Variants in GALNT13 observed in about 807,000 individuals in gnomAD.
The protein encoded by GALNT13 is polypeptide N-acetylgalactosaminyltransferase 13.
A neutral mutation model predicts 64.2 loss-of-function variants in GALNT13; 28 were observed. The observed-to-expected ratio is 0.44, with a 90% CI of 0.32 to 0.60. GALNT13 has a LOEUF of 0.60. Ranked by LOEUF, GALNT13 falls within the 20% of genes least tolerant of loss-of-function variation. The pLI, the probability that GALNT13 is intolerant of heterozygous loss-of-function variation, is 0.05. For missense variants in GALNT13, 577 were observed against 669.8 expected (o/e 0.86, Z 1.53); for synonymous variants, 214 against 224.6 (o/e 0.95, Z 0.42).
At chr2:153,120,687 A>T in the GALNT13 span, among the ~76,000 whole-genome samples, 1 of 152,182 alleles carries the variant, frequency 6.6e-6, no homozygotes, top group Admixed American at 6.5e-5. Flanking sequence ...TATAAAGATA[A>T]ATTATTTGTT....
At chr2:154,444,033 A>G in intron 12 of GALNT13, among the ~76,000 whole-genome samples, 1 of 152,082 alleles carries the variant, frequency 6.6e-6, no homozygotes, top group East Asian at 1.9e-4. Context: ...TGGATGTCAC[A>G]TTGTCTTCAA....
intron 4 of GALNT13, among the ~76,000 whole-genome samples, chr2:154,186,126 A>G (rs569125969): frequency 7.2e-5 from 11 of 152,164 alleles, no homozygotes; most frequent in Non-Finnish European, 1.3e-4. Context: ...CTTAAATTGT[A>G]ATTTTTGTTT....
At chr2:153,595,787 A>G in the GALNT13 span, among the ~76,000 whole-genome samples, 1 of 152,268 alleles carries the variant, frequency 6.6e-6, no homozygotes, top group African/African-American at 2.4e-5. Context: ...CAGATGAACC[A>G]CTAGAATCAT....
Position 154,362,438 on chromosome 2 carries a change from CTTTCTCTT to C in GALNT13, c.1157-33545_1157-33538del, listed in dbSNP as rs1370061988. 2.0e-5 allele frequency among the ~76,000 whole-genome samples: 3 copies of C among 152,032 alleles called. No individual in the cohort carries two copies. The East Asian group carries it at 5.8e-4, about 29-fold the overall frequency. On this transcript the variant is annotated intron_variant, in intron 9 of 12. Coordinates refer to ENST00000392825, the MANE Select transcript of GALNT13 (RefSeq NM_052917.4). ...TCTCCTTTCATCTTTTCCTCTCTCTCTTTCTCTTTTTCTCTCGGAGAATGTTTAGCATA... is the reference window on the plus strand; with the variant it reads ...TCTCCTTTCATCTTTTCCTCTCTCTCTTTCTCTCGGAGAATGTTTAGCATA...
At chr2:153,087,734 C>T in the GALNT13 span, among the ~76,000 whole-genome samples, 2 of 152,112 alleles carry the variant, frequency 1.3e-5, no homozygotes, top group Admixed American at 6.6e-5. Context: ...TCCATCTCCT[C>T]TAGATTTTCT....
At chr2:154,351,590 G>C (rs924710907) in intron 9 of GALNT13, among the ~76,000 whole-genome samples, 7 of 150,330 alleles carry the variant, frequency 4.7e-5, no homozygotes, top group Non-Finnish European at 1.5e-5. Context: ...GGCTGAGGCA[G>C]GAGAATGGCG....
At chr2:153,082,614 TATATACACACACACACACACACAC>T in the GALNT13 span, among the ~76,000 whole-genome samples, 5 of 31,330 alleles carry the variant, frequency 1.6e-4, no homozygotes, top group Non-Finnish European at 2.4e-4. Flanking sequence ...TATATATATA[TATATACACACACACACACACACAC>T]ACACACACAC....
At chr2:153,759,866 G>T in the GALNT13 span, among the ~76,000 whole-genome samples, 1 of 151,968 alleles carries the variant, frequency 6.6e-6, no homozygotes, top group Non-Finnish European at 1.5e-5. Context: ...GTAAGAGTTT[G>T]AGATGGATTT....
chr2:153,412,490 A>T, the GALNT13 span, among the ~76,000 whole-genome samples: 1 of 152,208 alleles, frequency 6.6e-6, no homozygotes, highest in Non-Finnish European at 1.5e-5. Flanking sequence ...TCATCTCAAA[A>T]TAGATGAAGT....
intron 4 of GALNT13, among the ~76,000 whole-genome samples, chr2:154,212,490 C>G (rs931716571): frequency 6.6e-6 from 1 of 152,100 alleles, no homozygotes; most frequent in Admixed American, 6.6e-5. Flanking sequence ...ATGATCCACC[C>G]GCCTCAGCCT....
At chr2:154,067,244 C>G (rs1700513628) in intron 3 of GALNT13, among the ~76,000 whole-genome samples, 1 of 151,864 alleles carries the variant, frequency 6.6e-6, no homozygotes. Flanking sequence ...CACAAAACCA[C>G]TATAAAAGAA....
the GALNT13 span, among the ~76,000 whole-genome samples, chr2:153,215,630 T>C: frequency 1.1e-3 from 160 of 152,180 alleles, 1 homozygote; most frequent in African/African-American, 3.8e-3. Context: ...GAATGAATCT[T>C]CTGATGCTTT....
the GALNT13 span, among the ~76,000 whole-genome samples, chr2:153,656,391 G>T: frequency 6.6e-6 from 1 of 150,718 alleles, no homozygotes; most frequent in Admixed American, 6.7e-5. Context: ...AAATTATGTA[G>T]AAAGTATTCC....
the GALNT13 span, among the ~76,000 whole-genome samples, chr2:153,427,336 A>G: frequency 2.0e-5 from 3 of 152,130 alleles, no homozygotes; most frequent in African/African-American, 7.2e-5. Flanking sequence ...AGGCCACACA[A>G]TGGGTTGGAG....
chr2:153,638,351 A>G, the GALNT13 span, among the ~76,000 whole-genome samples: 1 of 152,158 alleles, frequency 6.6e-6, no homozygotes, highest in Admixed American at 6.6e-5. Context: ...GGCAATATGA[A>G]GGCAATAGAG....
chr2:153,433,977 T>C, the GALNT13 span, among the ~76,000 whole-genome samples: 2 of 151,836 alleles, frequency 1.3e-5, no homozygotes, highest in Non-Finnish European at 2.9e-5. Flanking sequence ...TATCCCTCCC[T>C]GCTCCCCCCA....
At chr2:154,267,690 A>G (rs1691094661) in intron 8 of GALNT13, among the ~76,000 whole-genome samples, 1 of 152,194 alleles carries the variant, frequency 6.6e-6, no homozygotes, top group South Asian at 2.1e-4. Context: ...GCCACTATTA[A>G]GAGAAAGAGA....
At chr2:153,723,400 G>T in the GALNT13 span, among the ~76,000 whole-genome samples, 2 of 150,352 alleles carry the variant, frequency 1.3e-5, no homozygotes, top group Non-Finnish European at 2.9e-5. Flanking sequence ...GCACAAGACA[G>T]GGATGCCCTC....
At chr2:153,595,831 A>T in the GALNT13 span, among the ~76,000 whole-genome samples, 2 of 152,216 alleles carry the variant, frequency 1.3e-5, no homozygotes, top group African/African-American at 4.8e-5. Context: ...CATGTGCCCA[A>T]TATTGCCTCT....
Sources: gnomAD v4.1 joint callset for allele counts (sites outside exome capture counted in the v4.1 genomes callset) on GRCh38, gnomAD v4.1.1 for gene constraint, MANE v1.5 for transcripts, NCBI Gene and HGNC (gene_info 2026-07-23, HGNC 2026-07-21) for gene names.